The following INPP4B variants were observed in gnomAD, a reference collection of about 807,000 sequenced individuals.
INPP4B encodes the protein inositol polyphosphate-4-phosphatase type II B, also known as inositol polyphosphate 4-phosphatase type II.
A neutral mutation model predicts 122.5 loss-of-function variants in INPP4B; 55 were observed. That is an observed-to-expected ratio of 0.45 (90% CI 0.36 to 0.56). The LOEUF is 0.56. Ranked by LOEUF, INPP4B falls within the 20% of genes least tolerant of loss-of-function variation. The pLI is 0.00. For synonymous variants in INPP4B, 403 were observed against 388.7 expected (o/e 1.04, Z -0.43); for missense variants, 1,000 against 1,097.7 (o/e 0.91, Z 1.26).
At position 142,344,342 on chromosome 4, in the gene INPP4B, A is replaced by AAAGTG. The variant is rs113690114; in HGVS notation, c.373-29585_373-29581dup. Among the ~76,000 whole-genome samples, 848 of 152,178 alleles carry AAAGTG rather than the reference A, an allele frequency of 5.6e-3. 9 individuals carry two copies. The highest frequency in any genetic ancestry group is 0.019 in the African/African-American group (806 of 41,538). ...TTATGCTATGTGTATATTTTAATGT[A>AAAGTG]AAGTGTTTTTAAAGGCCCTTTAGCC... is the stretch of plus-strand genomic sequence containing the variant. On this transcript the variant is annotated intron_variant, in intron 7 of 25. Transcript: ENST00000262992.
At chr4:142,727,491 G>GAA (rs59830705) in intron 1 of INPP4B, among the ~76,000 whole-genome samples, 112,032 of 151,914 alleles carry the variant, frequency 0.74, 41,445 homozygotes, top group East Asian at 0.84. Flanking sequence ...AGTAATTGGT[G>GAA]AATATCATTA....
At chr4:142,472,899 T>C (rs981598081) in intron 2 of INPP4B, among the ~76,000 whole-genome samples, 6 of 152,190 alleles carry the variant, frequency 3.9e-5, no homozygotes, top group African/African-American at 1.4e-4. Flanking sequence ...GAATTTTTCT[T>C]GAAGTAGCTA....
At chr4:142,742,419 G>C (rs554907634) in intron 1 of INPP4B, among the ~76,000 whole-genome samples, 2 of 152,060 alleles carry the variant, frequency 1.3e-5, no homozygotes, top group Non-Finnish European at 2.9e-5. Context: ...TAACAAAACT[G>C]AGAATCCCCA....
chr4:142,756,247 GC>G (rs1361439609), intron 1 of INPP4B, among the ~76,000 whole-genome samples: 5 of 151,888 alleles, frequency 3.3e-5, no homozygotes, highest in Non-Finnish European at 5.9e-5. Flanking sequence ...AAGGAAGTTA[GC>G]CTGAAAGGAA....
intron 23 of INPP4B, among the ~76,000 whole-genome samples, chr4:142,101,633 G>T (rs1784510133): frequency 6.6e-6 from 1 of 152,084 alleles, no homozygotes; most frequent in Non-Finnish European, 1.5e-5. Flanking sequence ...CCAAAACCTA[G>T]TGTTGATTTC....
chr4:142,728,895 C>T (rs115073497), intron 1 of INPP4B, among the ~76,000 whole-genome samples: 51 of 152,240 alleles, frequency 3.3e-4, no homozygotes, highest in Non-Finnish European at 5.9e-4. Context: ...TAACACATGT[C>T]TTCGGCCAAC....
chr4:142,077,601 CT>C (rs1771506763), intron 25 of INPP4B, among the ~76,000 whole-genome samples: 1 of 151,764 alleles, frequency 6.6e-6, no homozygotes, highest in Non-Finnish European at 1.5e-5. Context: ...AAAATGCTTT[CT>C]GCAAATGCAT....
chr4:142,479,665 T>C (rs1411384947), intron 2 of INPP4B, among the ~76,000 whole-genome samples: 1 of 151,996 alleles, frequency 6.6e-6, no homozygotes, highest in Non-Finnish European at 1.5e-5. Context: ...AAGCAGCAAA[T>C]GAACGGAGCT....
intron 2 of INPP4B, among the ~76,000 whole-genome samples, chr4:142,529,630 T>C (rs929128931): frequency 7.9e-5 from 12 of 151,996 alleles, no homozygotes; most frequent in Admixed American, 5.9e-4. Flanking sequence ...TTGATGAATA[T>C]AATATCCATA....
At chr4:142,460,423 C>T (rs562411925) in intron 3 of INPP4B, among the ~76,000 whole-genome samples, 3 of 152,236 alleles carry the variant, frequency 2.0e-5, no homozygotes, top group East Asian at 1.9e-4. Context: ...ATAACATGCT[C>T]CCCAGATGCC....
chr4:142,183,643 T>C (rs1164704828), intron 15 of INPP4B, among the ~76,000 whole-genome samples: 1 of 152,212 alleles, frequency 6.6e-6, no homozygotes, highest in African/African-American at 2.4e-5. Flanking sequence ...AAAAATATTC[T>C]GGAAATCACT....
intron 25 of INPP4B, among the ~76,000 whole-genome samples, chr4:142,068,984 A>C (rs1343171438): frequency 1.8e-4 from 27 of 152,208 alleles, no homozygotes; most frequent in Admixed American, 1.8e-3. Context: ...AAGCAGACCT[A>C]ATAGACATCT....
intron 1 of INPP4B, among the ~76,000 whole-genome samples, chr4:142,776,092 C>T (rs751150430): frequency 6.6e-6 from 1 of 152,006 alleles, no homozygotes; most frequent in African/African-American, 2.4e-5. Flanking sequence ...TATTTCTCTA[C>T]CCCAACGATG....
intron 15 of INPP4B, among the ~76,000 whole-genome samples, chr4:142,192,858 A>G (rs1497143): frequency 0.91 from 137,651 of 152,040 alleles, 62,598 homozygotes; most frequent in East Asian, 0.96. Context: ...TATGACTTCC[A>G]GAAGATTTTC....
chr4:142,564,283 G>T (rs955726081), intron 2 of INPP4B, among the ~76,000 whole-genome samples: 2 of 151,984 alleles, frequency 1.3e-5, no homozygotes, highest in African/African-American at 4.8e-5. Flanking sequence ...CCTCAGTGAG[G>T]GCTTAAAATA....
At chr4:142,540,759 G>T (rs1316018629) in intron 2 of INPP4B, among the ~76,000 whole-genome samples, 1 of 151,472 alleles carries the variant, frequency 6.6e-6, no homozygotes, top group African/African-American at 2.4e-5. Context: ...GTGTGTGTGA[G>T]AGAGAGAGAA....
intron 11 of INPP4B, among the ~76,000 whole-genome samples, chr4:142,254,998 C>A (rs1194142038): frequency 3.9e-5 from 6 of 152,088 alleles, no homozygotes; most frequent in Non-Finnish European, 8.8e-5. Context: ...AGACTAACAG[C>A]GGCTCTCTCG....
At chr4:142,098,952 G>A (rs1190288981) in intron 23 of INPP4B, among the ~76,000 whole-genome samples, 1 of 152,096 alleles carries the variant, frequency 6.6e-6, no homozygotes, top group Non-Finnish European at 1.5e-5. Context: ...AAGATAATGA[G>A]GAATAGAGAT....
At chr4:142,603,946 C>T (rs1332944062) in intron 2 of INPP4B, among the ~76,000 whole-genome samples, 4 of 151,478 alleles carry the variant, frequency 2.6e-5, no homozygotes, top group East Asian at 1.9e-4. Context: ...CAGGCCAATA[C>T]CCCTGCTGAA....
Sources: allele counts gnomAD v4.1 joint callset (sites outside exome capture counted in the v4.1 genomes callset), GRCh38; gene constraint gnomAD v4.1.1; transcripts MANE v1.5; gene names NCBI Gene and HGNC (gene_info 2026-07-23, HGNC 2026-07-21).